Variants in FAT2 observed in about 807,000 individuals in gnomAD.
FAT2 encodes the protein protocadherin Fat 2.
A neutral mutation model predicts 295.3 loss-of-function variants in FAT2; 150 were observed. The ratio of observed to expected loss-of-function variants is 0.51; its 90% CI spans 0.44 to 0.58. The LOEUF (loss-of-function observed/expected upper bound fraction) is 0.58, where lower values mean the gene tolerates loss of function less well. Among genes scored for constraint, FAT2 ranks in the 20% least tolerant of loss-of-function variants. The probability of loss-of-function intolerance (pLI) is 0.00; values close to 1 mark genes in which losing one functional copy is unlikely to be tolerated. For missense variants in FAT2, 4,868 were observed against 5,442.7 expected (o/e 0.89, Z 3.32); for synonymous variants, 2,026 against 2,150.3 (o/e 0.94, Z 1.60).
rs1184242218 is a variant in FAT2 at position 151,521,553 on chromosome 5, C to T, written c.11040G>A (p.Val3680=). 3.1e-6 allele frequency: 5 copies of T among 1,614,218 alleles called. 1 individual carries two copies. In the Admixed American group the frequency reaches 8.3e-5, roughly 27 times the overall value. Residue 3680 remains valine (V), a synonymous_variant, in exon 19 of 24, where the codon GTG becomes GTA. Coordinates refer to ENST00000261800, the MANE Select transcript of FAT2 (RefSeq NM_001447.3). Reference sequence around the variant, plus strand: ...GCCCCTCAAAGACCAGGAGCACATCCACACCAGCCACGGCCTCTGCAGGCT... The same window carrying T: ...GCCCCTCAAAGACCAGGAGCACATCTACACCAGCCACGGCCTCTGCAGGCT... ...SLQPAEAVAG[V]DVLLVFEGHS... is the part of the protein sequence containing the mutation.
At position 151,521,663 on chromosome 5, in the gene FAT2, C is replaced by T; in HGVS notation, c.10930G>A (p.Val3644Met). Residue 3644 changes from valine to methionine, a missense_variant, in exon 19 of 24, where the codon GTG becomes ATG. This residue lies in a region of FAT2 where 1,046 missense variants were observed against 1,210.1 expected (regional missense o/e 0.86). Transcript: ENST00000261800. ...TGCAGGTTCCGCCAGTGGTCACTCA[C>T]CAGCTCCTCGGGGGTGAGCTGGTAG... Reference protein sequence around the residue: ...GFYQLTPEELVSDHWRNLQRF... With the variant: ...GFYQLTPEELMSDHWRNLQRF... The T allele has an allele frequency of 1.9e-6, 3 of 1,614,084 alleles. No homozygotes were observed. The highest frequency in any genetic ancestry group is 2.5e-6 in the Non-Finnish European group (3 of 1,180,046).
chr5:151,544,816 G>A lies in FAT2; in HGVS notation c.6311C>T (p.Ala2104Val). The change falls in exon 10 of 24, where the codon GCT becomes GTT. Residue 2104 changes from alanine (A) to valine (V), a missense_variant. Ala to Val is a moderately conservative substitution (Grantham distance 64). Coordinates refer to ENST00000261800, the MANE Select transcript of FAT2 (RefSeq NM_001447.3). ...ATCTTCTGCAAATTCATATGTAACA[G>A]CCCCATTTGTCCCCAAGTCCTCATC... ...ATDEDLGTNG[A>V]VTYEFAEDYT... The A allele has an allele frequency of 6.2e-7, 1 of 1,614,154 alleles. No homozygotes were observed. The highest frequency in any genetic ancestry group is 8.5e-7 in the Non-Finnish European group (1 of 1,180,034).
At position 151,563,424 on chromosome 5, in the gene FAT2, G is replaced by A. The variant is rs138553789; in HGVS notation, c.3475C>T (p.Leu1159=). The A allele has an allele frequency of 1.9e-6, 3 of 1,614,242 alleles. No homozygotes were observed. The highest frequency in any genetic ancestry group is 2.5e-6 in the Non-Finnish European group (3 of 1,180,042). ...CTGGAGTCTGGGTCCCAGGCATCCA[G>A]TTGAAGCACAGAGGTGCCCACGGGA... ...DAPVGTSVLQ[L]DAWDPDSSSK... Residue 1159 remains leucine (L), a synonymous_variant, in exon 3 of 24, where the codon CTG becomes TTG. Transcript: ENST00000261800.
At chr5:151,558,336 C>T (rs1757875409) in intron 3 of FAT2, among the ~76,000 whole-genome samples, 1 of 152,108 alleles carries the variant, frequency 6.6e-6, no homozygotes, top group Admixed American at 6.6e-5. Flanking sequence ...AGCTTGTCGC[C>T]TGGGCACGGT....
At position 151,568,567 on chromosome 5, in the gene FAT2, G is replaced by C. The variant is rs1296990366; in HGVS notation, c.365C>G (p.Thr122Arg). 6.2e-7 allele frequency: 1 copy of C among 1,614,052 alleles called. No homozygotes were observed. Among genetic ancestry groups the C allele is most frequent in the Non-Finnish European group, 8.5e-7 (1 of 1,180,040 alleles). The change falls in exon 2 of 24, where the codon ACA becomes AGA. Residue 122 changes from threonine to arginine, a missense_variant. Thr to Arg is a moderately conservative substitution (Grantham distance 71). This residue lies in a region of FAT2 where 3,297 missense variants were observed against 3,669.4 expected (regional missense o/e 0.90). Coordinates refer to ENST00000261800, the MANE Select transcript of FAT2 (RefSeq NM_001447.3). ...AGCTTCCAACTCCAAGGTCTTCTCT[G>C]TGGCTTGGATGATGAGGGTGTAGCT... is the stretch of plus-strand genomic sequence containing the variant. Reference protein sequence around the residue: ...RDSYTLIIQATEKTLELEALT... With the variant: ...RDSYTLIIQAREKTLELEALT...
Position 151,521,293 on chromosome 5 carries a change from C to A in FAT2, c.11300G>T (p.Arg3767Met), listed in dbSNP as rs1753425754. ...SILTPRHHLQ[R>M]SCSCNGTATR... is the part of the protein sequence containing the mutation. ...GTACTTACCATTGCAGGAGCAGCTC[C>A]TCTGCAGGTGGTGCCGCGGGGTTAG... Residue 3767 changes from arginine to methionine, a missense_variant, in exon 19 of 24, where the codon AGG becomes ATG. Coordinates refer to ENST00000261800, the MANE Select transcript of FAT2 (RefSeq NM_001447.3). 6.2e-7 allele frequency: 1 copy of A among 1,610,000 alleles called. No homozygotes were observed. Among genetic ancestry groups the A allele is most frequent in the African/African-American group, 1.3e-5 (1 of 74,884 alleles).
At chr5:151,520,504 T>G (rs938264509) in intron 19 of FAT2, among the ~76,000 whole-genome samples, 1 of 152,134 alleles carries the variant, frequency 6.6e-6, no homozygotes, top group Non-Finnish European at 1.5e-5. Context: ...CTACACAGAG[T>G]GTGGCGTACA....
chr5:151,510,171 T>C lies in FAT2; in HGVS notation c.11909A>G (p.Tyr3970Cys), dbSNP rs1206094709. The change falls in exon 22 of 24, where the codon TAT becomes TGT. Residue 3970 changes from tyrosine to cysteine, a missense_variant. Around this residue, in one of 5 missense-constraint regions of FAT2, gnomAD observed 24 missense variants for 53.3 expected, o/e 0.45. Coordinates refer to ENST00000261800, the MANE Select transcript of FAT2 (RefSeq NM_001447.3). The stretch of plus-strand genomic sequence containing the variant: ...GAACTGTGGGGGACATTTGCAGACA[T>C]AGCCTAGGAGAAAAAGAAGGGAGGT... ...GKCSWTHGAG[Y>C]VCKCPPQFSG... is the part of the protein sequence containing the mutation. 4 of 1,613,858 alleles carry C rather than the reference T, an allele frequency of 2.5e-6. No individual in the cohort carries two copies. The highest frequency in any genetic ancestry group is 3.4e-6 in the Non-Finnish European group (4 of 1,179,962).
At chr5:151,519,764 T>TA (rs1753245413) in intron 19 of FAT2, among the ~76,000 whole-genome samples, 1 of 152,096 alleles carries the variant, frequency 6.6e-6, no homozygotes, top group African/African-American at 2.4e-5. Flanking sequence ...TGTTAAAAAA[T>TA]AAAAAACCTC....
chr5:151,589,184 T>C (rs1759300219), intron 1 of FAT2, among the ~76,000 whole-genome samples: 1 of 151,938 alleles, frequency 6.6e-6, no homozygotes, highest in South Asian at 2.1e-4. Flanking sequence ...AAAGACAGGG[T>C]TTATCCAGGG....
chr5:151,516,374 A>G (rs1262997148), intron 20 of FAT2, among the ~76,000 whole-genome samples: 1 of 152,046 alleles, frequency 6.6e-6, no homozygotes, highest in Admixed American at 6.6e-5. Context: ...AAAATTAGTG[A>G]GCGTGGTTGC....
intron 3 of FAT2, among the ~76,000 whole-genome samples, chr5:151,558,387 G>T (rs569390874): frequency 6.6e-6 from 1 of 152,112 alleles, no homozygotes; most frequent in African/African-American, 2.4e-5. Flanking sequence ...AGGCCGAAGC[G>T]GGCGGATCAC....
At position 151,567,663 on chromosome 5, in the gene FAT2, G is replaced by A. The variant is rs545702898; in HGVS notation, c.1269C>T (p.Phe423=). Reference sequence around the variant, plus strand: ...GTAGCTGATAGTGGGCTCTGTCGTGGAAGTCCATGAGCTTTGTGGTGGTGA... The same window carrying A: ...GTAGCTGATAGTGGGCTCTGTCGTGAAAGTCCATGAGCTTTGTGGTGGTGA... ...GLITTTKLMD[F]HDRAHYQLHI... Residue 423 remains phenylalanine, a synonymous_variant, in exon 2 of 24, where the codon TTC becomes TTT. Coordinates refer to ENST00000261800, the MANE Select transcript of FAT2 (RefSeq NM_001447.3). 4.0e-5 allele frequency: 65 copies of A among 1,614,200 alleles called. 1 individual carries two copies. In the South Asian group the frequency reaches 7.0e-4, roughly 17 times the overall value.
intron 1 of FAT2, among the ~76,000 whole-genome samples, 28 bp downstream of exon 1, chr5:151,591,137 C>T (rs1326507346): frequency 1.3e-5 from 2 of 152,268 alleles, no homozygotes; most frequent in East Asian, 3.9e-4. Flanking sequence ...CCCCCTCCCG[C>T]ATCTTCCCAT....
At position 151,512,816 on chromosome 5, in the gene FAT2, G is replaced by T; in HGVS notation, c.11464-210C>A. 1 of 583,216 alleles carries T rather than the reference G, an allele frequency of 1.7e-6. No individual in the cohort carries two copies. The highest frequency in any genetic ancestry group is 3.0e-6 in the Non-Finnish European group (1 of 327,970). The allele number at this position is 583,216 out of a possible 1,614,324, so 36.1% of individuals were successfully genotyped here. ...TTGTTCTCACCACACCCCATGGGAT[G>T]GTCTGGGTAGGGGGTGACATCTCCA... On this transcript the variant is annotated intron_variant, in intron 20 of 23. Coordinates refer to ENST00000261800, the MANE Select transcript of FAT2 (RefSeq NM_001447.3). The surrounding 1 kb of genome is among the most constrained non-coding windows in gnomAD (Gnocchi z 4.1).
chr5:151,546,688 G>T (rs1581404386), intron 9 of FAT2, among the ~76,000 whole-genome samples: 2 of 151,912 alleles, frequency 1.3e-5, no homozygotes, highest in East Asian at 3.9e-4. Flanking sequence ...GCTTCAGTTT[G>T]CATCATACAG....
chr5:151,550,952 A>T (rs1757141809), intron 7 of FAT2, 81 bp from the exon 8 acceptor site: 2 of 1,311,762 alleles, frequency 1.5e-6, no homozygotes, highest in African/African-American at 2.9e-5. Flanking sequence ...TCCCTGTATC[A>T]CCCAGGCCTA....
intron 1 of FAT2, among the ~76,000 whole-genome samples, chr5:151,578,984 G>T (rs761968322): frequency 2.0e-5 from 3 of 152,214 alleles, no homozygotes; most frequent in African/African-American, 7.2e-5. Flanking sequence ...AGTGGCTGGG[G>T]TGAGGGTGGG....
chr5:151,547,343 A>C (rs756979268), intron 9 of FAT2, among the ~76,000 whole-genome samples: 1 of 152,218 alleles, frequency 6.6e-6, no homozygotes, highest in South Asian at 2.1e-4. Context: ...TCTTCATTCT[A>C]TCAGGGAGCT....
Sources: gnomAD v4.1 joint callset for allele counts (sites outside exome capture counted in the v4.1 genomes callset) on GRCh38, gnomAD v4.1.1 for gene constraint, gnomAD v4.1.1 regional missense constraint, Gnocchi (gnomAD v3.1) non-coding constraint, MANE v1.5 for transcripts, NCBI Gene and HGNC (gene_info 2026-07-23, HGNC 2026-07-21) for gene names.